CREB5: variants seen among roughly 807,000 people sequenced by gnomAD.
CREB5 encodes the protein cyclic AMP-responsive element-binding protein 5.
CREB5 carries 19 observed loss-of-function variants against 57.1 expected under a neutral mutation model. The observed-to-expected ratio is 0.33, with a 90% CI of 0.23 to 0.49. The LOEUF is 0.49. Among genes scored for constraint, CREB5 ranks in the 20% least tolerant of loss-of-function variants. CREB5 has a pLI of 0.99. For missense variants in CREB5, 579 were observed against 671.6 expected (o/e 0.86, Z 1.52); for synonymous variants, 238 against 238.3 (o/e 1.00, Z 0.01).
intron 1 of CREB5, among the ~76,000 whole-genome samples, chr7:28,460,585 A>C (rs1486609091): frequency 1.3e-5 from 2 of 152,202 alleles, no homozygotes; most frequent in Non-Finnish European, 2.9e-5. Context: ...GGGCATGGAA[A>C]GTCACCTAAT....
chr7:28,345,086 C>T (rs1487953445), intron 1 of CREB5, among the ~76,000 whole-genome samples: 3 of 152,130 alleles, frequency 2.0e-5, no homozygotes, highest in African/African-American at 7.2e-5. Context: ...ATTCCACTTT[C>T]AACAATGGAC....
At chr7:28,383,158 T>C (rs547798798) in intron 1 of CREB5, among the ~76,000 whole-genome samples, 1 of 152,266 alleles carries the variant, frequency 6.6e-6, no homozygotes, top group African/African-American at 2.4e-5. Context: ...TGCCAGTGGC[T>C]GCAAGGGATT....
intron 4 of CREB5, among the ~76,000 whole-genome samples, chr7:28,509,092 G>A (rs1310170169): frequency 6.6e-6 from 1 of 152,090 alleles, no homozygotes; most frequent in African/African-American, 2.4e-5. Context: ...ATAGACATGT[G>A]TATGTAGAAG....
intron 4 of CREB5, among the ~76,000 whole-genome samples, chr7:28,563,189 A>G (rs1795346018): frequency 1.3e-5 from 2 of 152,198 alleles, no homozygotes; most frequent in Non-Finnish European, 2.9e-5. Context: ...AATATCAGTC[A>G]TGGGGAGCAG....
chr7:28,714,154 A>T (rs1263520876), intron 5 of CREB5, among the ~76,000 whole-genome samples: 1 of 151,982 alleles, frequency 6.6e-6, no homozygotes, highest in Non-Finnish European at 1.5e-5. Flanking sequence ...TTGTAGAGAC[A>T]GAGTTTTTCC....
chr7:28,520,961 T>C (rs904696845), intron 4 of CREB5, among the ~76,000 whole-genome samples: 1 of 152,254 alleles, frequency 6.6e-6, no homozygotes, highest in South Asian at 2.1e-4. Context: ...GTTTCCAGTC[T>C]AATAAGACAG....
At chr7:28,398,994 G>T (rs1787392366) in intron 1 of CREB5, among the ~76,000 whole-genome samples, 1 of 152,144 alleles carries the variant, frequency 6.6e-6, no homozygotes, top group Non-Finnish European at 1.5e-5. Flanking sequence ...GGGATTACAA[G>T]CATGAGCCAC....
At chr7:28,304,508 G>A (rs1158340833) in intron 1 of CREB5, among the ~76,000 whole-genome samples, 1 of 152,186 alleles carries the variant, frequency 6.6e-6, no homozygotes, top group African/African-American at 2.4e-5. Flanking sequence ...GCCTGCTGGT[G>A]GGAGTATTTG....
chr7:28,646,352 A>G (rs1005123306), intron 5 of CREB5, among the ~76,000 whole-genome samples: 3 of 151,770 alleles, frequency 2.0e-5, no homozygotes, highest in African/African-American at 7.3e-5. Context: ...GGTTAGGGGG[A>G]AAAAAAACAA....
chr7:28,805,361 G>C (rs1808653606), intron 8 of CREB5, among the ~76,000 whole-genome samples: 1 of 152,128 alleles, frequency 6.6e-6, no homozygotes, highest in African/African-American at 2.4e-5. Context: ...CCAGGAGCAT[G>C]GCTGGGCCTA....
intron 1 of CREB5, among the ~76,000 whole-genome samples, chr7:28,421,811 A>G (rs1788267239): frequency 6.7e-6 from 1 of 148,436 alleles, no homozygotes; most frequent in African/African-American, 2.5e-5. Flanking sequence ...CACACACCAT[A>G]TATATAGTGT....
intron 2 of CREB5, among the ~76,000 whole-genome samples, chr7:28,490,051 G>T (rs1791730777): frequency 6.6e-6 from 1 of 152,170 alleles, no homozygotes. Flanking sequence ...CAGATAATTT[G>T]AGCAGTTTGC....
At chr7:28,485,085 G>A (rs534827474) in intron 1 of CREB5, among the ~76,000 whole-genome samples, 2 of 152,286 alleles carry the variant, frequency 1.3e-5, no homozygotes, top group South Asian at 4.1e-4. Flanking sequence ...TCAGTACTTT[G>A]GTAGGCCAGG....
intron 1 of CREB5, among the ~76,000 whole-genome samples, chr7:28,323,160 C>A (rs182905914): frequency 1.2e-4 from 18 of 152,316 alleles, no homozygotes; most frequent in Admixed American, 2.6e-4. Context: ...CCTCCCCTCA[C>A]CGAACTTGGC....
chr7:28,659,893 A>T (rs1416819853), intron 5 of CREB5, among the ~76,000 whole-genome samples: 1 of 152,184 alleles, frequency 6.6e-6, no homozygotes, highest in Non-Finnish European at 1.5e-5. Context: ...TTATTGGATC[A>T]GACATTTTGA....
intron 7 of CREB5, among the ~76,000 whole-genome samples, chr7:28,761,867 TA>T (rs1805681146): frequency 6.6e-6 from 1 of 152,204 alleles, no homozygotes; most frequent in African/African-American, 2.4e-5. Context: ...CTTAAATATT[TA>T]AATCATTTTT....
At chr7:28,417,812 T>C (rs965432156) in intron 1 of CREB5, among the ~76,000 whole-genome samples, 1 of 152,226 alleles carries the variant, frequency 6.6e-6, no homozygotes, top group Admixed American at 6.5e-5. Context: ...GCAACACATA[T>C]TTAAGAAAAT....
chr7:28,703,383 A>G (rs1801959257), intron 5 of CREB5, among the ~76,000 whole-genome samples: 1 of 152,210 alleles, frequency 6.6e-6, no homozygotes, highest in African/African-American at 2.4e-5. Context: ...TCTACCAAAT[A>G]TATTTAAGGA....
intron 3 of CREB5, among the ~76,000 whole-genome samples, chr7:28,504,797 A>G (rs1405114928): frequency 6.6e-6 from 1 of 152,180 alleles, no homozygotes; most frequent in Admixed American, 6.5e-5. Flanking sequence ...ACTGTCTTGC[A>G]TATCCTTGGG....
Sources: gnomAD v4.1 joint callset for allele counts (sites outside exome capture counted in the v4.1 genomes callset) on GRCh38, gnomAD v4.1.1 for gene constraint, MANE v1.5 for transcripts, NCBI Gene and HGNC (gene_info 2026-07-23, HGNC 2026-07-21) for gene names.